The following ZDHHC15 variants were observed in gnomAD, a reference collection of about 807,000 sequenced individuals.
ZDHHC15 encodes the protein palmitoyltransferase ZDHHC15.
In ZDHHC15, 19 loss-of-function variants were observed where a neutral mutation model predicts 31.7. That is an observed-to-expected ratio of 0.60 (90% CI 0.42 to 0.88). ZDHHC15 has a LOEUF of 0.88. ZDHHC15 is among the 40% of genes least tolerant of loss of function. The pLI is 0.00. For synonymous variants in ZDHHC15, 103 were observed against 90.0 expected, an observed-to-expected ratio of 1.14 and a Z score of -0.82; for missense variants, 209 against 251.2, an observed-to-expected ratio of 0.83 and a Z score of 1.14.
At chrX:75,505,870 GAGACAGAC>G in intron 1 of ZDHHC15, 23 bp from the exon 2 acceptor site, 2 of 1,163,352 alleles carry the variant, frequency 1.7e-6, no homozygotes, top group Non-Finnish European at 2.3e-6. Flanking sequence ...AGGAGAAAGA[GAGACAGAC>G]AGACAGACAG....
At chrX:75,484,773 C>A (rs2084750820) in intron 2 of ZDHHC15, among the ~76,000 whole-genome samples, 1 of 111,928 alleles carries the variant, frequency 8.9e-6, no homozygotes, top group Non-Finnish European at 1.9e-5. Context: ...CATATATATT[C>A]TTATCAGCTT....
intron 2 of ZDHHC15, among the ~76,000 whole-genome samples, chrX:75,494,148 C>T (rs985124072): frequency 1.8e-5 from 2 of 111,120 alleles, no homozygotes; most frequent in African/African-American, 6.5e-5. Flanking sequence ...AACAGACAAA[C>T]AGAGAGCCAA....
intron 1 of ZDHHC15, among the ~76,000 whole-genome samples, chrX:75,517,817 T>C (rs1413152263): frequency 9.1e-6 from 1 of 109,766 alleles, no homozygotes; most frequent in Non-Finnish European, 1.9e-5. Flanking sequence ...CTAAAATACC[T>C]AAAGGTGAGA....
chrX:75,517,346 A>G (rs1343364868), intron 1 of ZDHHC15, among the ~76,000 whole-genome samples: 4 of 110,891 alleles, frequency 3.6e-5, no homozygotes, highest in Non-Finnish European at 7.6e-5. Flanking sequence ...CCAAATGCCC[A>G]TCAATGATAG....
Position 75,372,359 on chromosome X carries a change from T to C in ZDHHC15, c.*619A>G, listed in dbSNP as rs1250447843. On this transcript the variant is annotated 3_prime_UTR_variant, in exon 12 of 12. Coordinates refer to ENST00000373367, the MANE Select transcript of ZDHHC15 (RefSeq NM_144969.3). ...GAGGACCTTGGTCACAGTGTACTGA[T>C]TCACCCTCCCAAATTTTAGATACTT... is the stretch of plus-strand genomic sequence containing the variant. The C allele has an allele frequency of 8.9e-6, 1 of 111,845 alleles. No individual in the cohort carries two copies. Among genetic ancestry groups the C allele is most frequent in the Non-Finnish European group, 1.9e-5 (1 of 53,171 alleles). 9.2% of individuals were successfully genotyped at this position (111,845 alleles called of 1,213,427 possible). A position where few individuals can be genotyped will look rare whatever the true frequency, so the allele number is the denominator to read the frequency against.
chrX:75,463,693 G>A (rs889252270), intron 3 of ZDHHC15, among the ~76,000 whole-genome samples: 5 of 111,735 alleles, frequency 4.5e-5, no homozygotes, highest in Non-Finnish European at 9.4e-5. Context: ...ATGAAAAAAT[G>A]CTCATCATCA....
intron 2 of ZDHHC15, among the ~76,000 whole-genome samples, chrX:75,491,956 G>A (rs1391354857): frequency 9.0e-6 from 1 of 111,628 alleles, no homozygotes; most frequent in Non-Finnish European, 1.9e-5. Flanking sequence ...AACCTTAAAT[G>A]TAAATGGGCT....
chrX:75,407,330 C>A (rs918754800), intron 10 of ZDHHC15, among the ~76,000 whole-genome samples: 62 of 111,637 alleles, frequency 5.6e-4, no homozygotes, highest in Non-Finnish European at 9.3e-4. Flanking sequence ...GCCCCTCCAC[C>A]CGGCAGCCAC....
intron 10 of ZDHHC15, among the ~76,000 whole-genome samples, chrX:75,399,883 C>T (rs766644695): frequency 1.8e-5 from 2 of 111,576 alleles, no homozygotes; most frequent in African/African-American, 6.5e-5. Flanking sequence ...AAAATAACCC[C>T]CTCTGATACC....
At chrX:75,414,426 CTTT>C (rs1177332052) in intron 10 of ZDHHC15, among the ~76,000 whole-genome samples, 1 of 66,201 alleles carries the variant, frequency 1.5e-5, no homozygotes, top group African/African-American at 6.0e-5. Context: ...CATATTTTAT[CTTT>C]TTTTTTTTTT....
rs745526466 is a variant in ZDHHC15 at position 75,374,687 on chromosome X, G to GTGTATA, written c.*33-1743_*33-1742insTATACA. 1.4e-4 allele frequency among the ~76,000 whole-genome samples: 13 copies of GTGTATA among 91,679 alleles called. No individual in the cohort carries two copies. The South Asian group carries it at 2.4e-3, about 17-fold the overall frequency. The allele number at this position is 91,679 out of a possible 115,157, so 79.6% of individuals were successfully genotyped here. A position where few individuals can be genotyped will look rare whatever the true frequency, so the allele number is the denominator to read the frequency against. On this transcript the variant is annotated intron_variant, in intron 11 of 11. Transcript: ENST00000373367. Reference sequence around the variant, plus strand: ...TGTGTGTGTGTGTGTGTGTGTGTGTGTATATATATATAATATATGTATATA... The same window carrying GTGTATA: ...TGTGTGTGTGTGTGTGTGTGTGTGTGTGTATATATATATATATAATATATGTATATA...
intron 4 of ZDHHC15, among the ~76,000 whole-genome samples, chrX:75,433,689 GTGTGTGTGTATA>G (rs746968079): frequency 0.19 from 2,239 of 11,797 alleles, 46 homozygotes; most frequent in South Asian, 0.53. Context: ...GTGTGTGTGT[GTGTGTGTGTATA>G]TATATATATA....
chrX:75,513,478 T>C (rs902606469), intron 1 of ZDHHC15, among the ~76,000 whole-genome samples: 2 of 111,149 alleles, frequency 1.8e-5, no homozygotes, highest in Non-Finnish European at 3.8e-5. Context: ...AAAGAACTGA[T>C]GCTTTGTAGT....
intron 4 of ZDHHC15, among the ~76,000 whole-genome samples, chrX:75,436,536 T>G (rs1048366733): frequency 8.9e-6 from 1 of 112,045 alleles, no homozygotes; most frequent in Admixed American, 9.5e-5. Context: ...GTTGTGTTAC[T>G]ATTATCATTC....
chrX:75,484,412 G>T (rs752625860), intron 2 of ZDHHC15, among the ~76,000 whole-genome samples: 7 of 111,871 alleles, frequency 6.3e-5, no homozygotes, highest in Admixed American at 4.7e-4. Flanking sequence ...CAGACACTTC[G>T]CATTAGAAGA....
chrX:75,489,249 C>T (rs1184514677), intron 2 of ZDHHC15, among the ~76,000 whole-genome samples: 1 of 111,967 alleles, frequency 8.9e-6, no homozygotes, highest in Non-Finnish European at 1.9e-5. Flanking sequence ...AGTAGTGGTT[C>T]TCCCAGCACG....
chrX:75,473,520 T>C (rs1250098969), intron 3 of ZDHHC15, among the ~76,000 whole-genome samples: 9 of 111,225 alleles, frequency 8.1e-5, no homozygotes, highest in Non-Finnish European at 1.5e-4. Flanking sequence ...AACTGGAAGT[T>C]AAGATTGCCA....
intron 8 of ZDHHC15, among the ~76,000 whole-genome samples, chrX:75,423,550 C>G (rs1009537814): frequency 9.8e-6 from 1 of 102,496 alleles, no homozygotes; most frequent in Non-Finnish European, 2.0e-5. Context: ...GGCTGCGTAG[C>G]ATTCCATGGT....
intron 4 of ZDHHC15, among the ~76,000 whole-genome samples, chrX:75,441,515 G>A (rs2083939942): frequency 1.8e-5 from 2 of 111,540 alleles, no homozygotes; most frequent in Non-Finnish European, 3.8e-5. Context: ...AACACTTTGG[G>A]CACTCACAGG....
Sources: gnomAD v4.1 joint callset for allele counts (sites outside exome capture counted in the v4.1 genomes callset) on GRCh38, gnomAD v4.1.1 for gene constraint, MANE v1.5 for transcripts, NCBI Gene and HGNC (gene_info 2026-07-23, HGNC 2026-07-21) for gene names.